The following CABIN1 variants were observed in gnomAD, a reference collection of about 807,000 sequenced individuals.
CABIN1 encodes calcineurin binding protein 1, also known as calcineurin-binding protein cabin-1.
CABIN1 carries 133 observed loss-of-function variants against 227.7 expected under a neutral mutation model. The ratio of observed to expected loss-of-function variants is 0.58; its 90% CI spans 0.51 to 0.67. CABIN1 has a LOEUF of 0.67. CABIN1 is among the 30% of genes least tolerant of loss of function. The pLI is 0.00. For synonymous variants in CABIN1, 1,086 were observed against 1,155.1 expected, an observed-to-expected ratio of 0.94 and a Z score of 1.21; for missense variants, 2,408 against 2,852.5, an observed-to-expected ratio of 0.84 and a Z score of 3.55.
chr22:24,174,191 G>A (rs941684187), intron 34 of CABIN1, among the ~76,000 whole-genome samples: 3 of 151,712 alleles, frequency 2.0e-5, no homozygotes, highest in Non-Finnish European at 4.4e-5. Context: ...GCAGCAGTGC[G>A]ATCATGGCTC....
intron 1 of CABIN1, among the ~76,000 whole-genome samples, chr22:24,018,838 ATAAAT>A: frequency 6.6e-6 from 1 of 152,250 alleles, no homozygotes. Context: ...CATTGAATGT[ATAAAT>A]TAACTTGGGA....
intron 19 of CABIN1, among the ~76,000 whole-genome samples, chr22:24,078,711 A>AC (rs1294072598): frequency 6.6e-6 from 1 of 151,708 alleles, no homozygotes; most frequent in African/African-American, 2.4e-5. Context: ...TTGTGTGCCC[A>AC]CCCCCCTTCT....
At chr22:24,173,932 TAATA>T (rs2046969748) in intron 34 of CABIN1, among the ~76,000 whole-genome samples, 1 of 152,080 alleles carries the variant, frequency 6.6e-6, no homozygotes, top group African/African-American at 2.4e-5. Flanking sequence ...AAGATGAAGA[TAATA>T]GCACTGCAGG....
chr22:24,014,830 A>G (rs1379390948), intron 1 of CABIN1, among the ~76,000 whole-genome samples: 5 of 152,126 alleles, frequency 3.3e-5, no homozygotes, highest in African/African-American at 4.8e-5. Flanking sequence ...CCTACCCTGT[A>G]TAGCTAACTT....
At chr22:24,156,114 CGGGACTGGGGCCGGGGCTGGGGCT>C (rs1457643004) in intron 29 of CABIN1, 4 of 406,670 alleles carry the variant, frequency 9.8e-6, no homozygotes, top group South Asian at 8.0e-5. Flanking sequence ...GGACTGGGGC[CGGGACTGGGGCCGGGGCTGGGGCT>C]GCGCAACCGC....
At chr22:24,149,149 C>G (rs2045335423) in intron 29 of CABIN1, among the ~76,000 whole-genome samples, 1 of 152,202 alleles carries the variant, frequency 6.6e-6, no homozygotes, top group African/African-American at 2.4e-5. Context: ...AGGAACAGAC[C>G]AAGGACTCCC....
intron 29 of CABIN1, among the ~76,000 whole-genome samples, chr22:24,151,668 G>C (rs2045492081): frequency 6.6e-6 from 1 of 151,978 alleles, no homozygotes; most frequent in Non-Finnish European, 1.5e-5. Flanking sequence ...CACACTTCAG[G>C]CCTCAGCTCA....
Position 24,145,362 on chromosome 22 carries a change from C to A in CABIN1, c.4746+10947C>A, listed in dbSNP as rs1046756353. Among the ~76,000 whole-genome samples the A allele has an allele frequency of 4.6e-5, 7 of 152,322 alleles. No homozygotes were observed. The South Asian group carries it at 1.2e-3, about 27-fold the overall frequency. On this transcript the variant is annotated intron_variant, in intron 29 of 36. Transcript: ENST00000263119. ...CTCCAAAGTGCTGTGTTTGGCACTTCTACATACAATGGCTTGTTGAATTCT... is the reference window on the plus strand; with the variant it reads ...CTCCAAAGTGCTGTGTTTGGCACTTATACATACAATGGCTTGTTGAATTCT...
intron 29 of CABIN1, among the ~76,000 whole-genome samples, chr22:24,137,606 G>C (rs2044498976): frequency 6.6e-6 from 1 of 152,236 alleles, no homozygotes; most frequent in Admixed American, 6.5e-5. Flanking sequence ...CCAGTGACCT[G>C]CTGCTTTTAC....
At chr22:24,139,378 C>A (rs1277295782) in intron 29 of CABIN1, among the ~76,000 whole-genome samples, 1 of 152,100 alleles carries the variant, frequency 6.6e-6, no homozygotes, top group Non-Finnish European at 1.5e-5. Context: ...AGTTCGAGAC[C>A]AGCCTGGCGA....
At chr22:24,049,809 A>G (rs555852054) in intron 7 of CABIN1, among the ~76,000 whole-genome samples, 7 of 151,834 alleles carry the variant, frequency 4.6e-5, no homozygotes, top group Admixed American at 3.3e-4. Context: ...GGCTCCCACT[A>G]TGCTCTAAAC....
chr22:24,093,046 A>T (rs905840123), intron 24 of CABIN1, among the ~76,000 whole-genome samples: 1 of 152,166 alleles, frequency 6.6e-6, no homozygotes, highest in African/African-American at 2.4e-5. Flanking sequence ...AGGCACAGGC[A>T]GTGCATGTCT....
Position 24,083,267 on chromosome 22 carries a change from G to A in CABIN1, c.2788G>A (p.Glu930Lys), listed in dbSNP as rs1430823731. The A allele has an allele frequency of 6.2e-7, 1 of 1,612,956 alleles. No individual in the cohort carries two copies. The highest frequency in any genetic ancestry group is 2.2e-5 in the East Asian group (1 of 44,896). The change falls in exon 20 of 37, where the codon GAA becomes AAA. Residue 930 changes from glutamate (E) to lysine (K), a missense_variant. Coordinates refer to ENST00000263119, the MANE Select transcript of CABIN1 (RefSeq NM_012295.4). ...LQKELAASTS[E>K]DTHPYKEELE... ...GAAGGAACTGGCTGCATCCACCTCTGAAGACACGCACCCTTACAAGGAGGA... is the reference window on the plus strand; with the variant it reads ...GAAGGAACTGGCTGCATCCACCTCTAAAGACACGCACCCTTACAAGGAGGA...
chr22:24,177,439 C>T lies in CABIN1; in HGVS notation c.6206-65C>T, dbSNP rs537287757. 1.8e-5 allele frequency: 24 copies of T among 1,359,068 alleles called. No homozygotes were observed. The East Asian group carries it at 1.9e-4, about 11-fold the overall frequency. 84.2% of individuals were successfully genotyped at this position (1,359,068 alleles called of 1,614,324 possible). A position where few individuals can be genotyped will look rare whatever the true frequency, so the allele number is the denominator to read the frequency against. On this transcript the variant is annotated intron_variant, in intron 35 of 36. Transcript: ENST00000263119. This position sits in a 1 kb window ranked among gnomAD's most constrained non-coding sequence, Gnocchi z 4.4. ...AGGACCTGGGGGGAGCGGGTGGGGG[C>T]GAGATAAAGTGCTCACTGTGTGATG...
intron 1 of CABIN1, among the ~76,000 whole-genome samples, chr22:24,014,394 C>T (rs1292746914): frequency 6.6e-6 from 1 of 151,092 alleles, no homozygotes; most frequent in African/African-American, 2.4e-5. Context: ...TTCAGGTTAG[C>T]TTCTGTGGCC....
At chr22:24,137,271 G>A (rs560703917) in intron 29 of CABIN1, among the ~76,000 whole-genome samples, 24 of 152,300 alleles carry the variant, frequency 1.6e-4, no homozygotes, top group African/African-American at 5.8e-4. Flanking sequence ...TAATGATAAA[G>A]CTGGGGAAGC....
Position 24,105,198 on chromosome 22 carries a change from G to A in CABIN1, c.4117+7006G>A, listed in dbSNP as rs551857688. Among the ~76,000 whole-genome samples the A allele has an allele frequency of 2.0e-5, 3 of 152,222 alleles. No homozygotes were observed. In the East Asian group the frequency reaches 5.8e-4, roughly 29 times the overall value. On this transcript the variant is annotated intron_variant, in intron 26 of 36. Transcript: ENST00000263119. ...CTGAGCCAGGTCTCTTTCCCTCTGCGTTGCCAGCTGTCATTCCTTTACAGT... is the reference window on the plus strand; with the variant it reads ...CTGAGCCAGGTCTCTTTCCCTCTGCATTGCCAGCTGTCATTCCTTTACAGT...
intron 29 of CABIN1, chr22:24,155,967 C>T (rs1726122639): frequency 3.7e-6 from 2 of 534,514 alleles, no homozygotes; most frequent in African/African-American, 2.0e-5. Flanking sequence ...CGTCCGGCCG[C>T]GCCTGCCCCG....
chr22:24,107,298 A>G (rs1220974123), intron 26 of CABIN1, among the ~76,000 whole-genome samples: 2 of 152,152 alleles, frequency 1.3e-5, no homozygotes, highest in Non-Finnish European at 2.9e-5. Context: ...CCCCTTAAAC[A>G]AGGGTTTGTC....
Sources: allele counts gnomAD v4.1 joint callset (sites outside exome capture counted in the v4.1 genomes callset), GRCh38; gene constraint gnomAD v4.1.1; non-coding constraint Gnocchi (gnomAD v3.1); transcripts MANE v1.5; gene names NCBI Gene and HGNC (gene_info 2026-07-23, HGNC 2026-07-21).